The following GBP6 variants were observed in gnomAD, a reference collection of about 807,000 sequenced individuals.
GBP6 encodes guanylate binding protein family member 6.
Under a neutral mutation model 61.5 loss-of-function variants are expected in GBP6, and 54 were observed. The ratio of observed to expected loss-of-function variants is 0.88; its 90% confidence interval spans 0.71 to 1.10. GBP6 has a LOEUF of 1.10. GBP6 is among the 50% of genes least tolerant of loss of function. The pLI, the probability that GBP6 is intolerant of heterozygous loss-of-function variation, is 0.00. For missense variants in GBP6, 748 were observed against 752.8 expected (o/e 0.99, Z 0.07); for synonymous variants, 255 against 273.7 (o/e 0.93, Z 0.67).
chr1:89,377,554 C>A (rs183223689), intron 3 of GBP6, among the ~76,000 whole-genome samples: 2 of 152,268 alleles, frequency 1.3e-5, no homozygotes, highest in East Asian at 3.9e-4. Context: ...AAGATGTTAT[C>A]TATAAATATT....
At chr1:89,383,779 C>G in intron 9 of GBP6, 25 bp downstream of exon 9, 1 of 1,514,546 alleles carries the variant, frequency 6.6e-7, no homozygotes, top group Non-Finnish European at 9.0e-7. Flanking sequence ...TCAGCTTACA[C>G]AGGAGGGGTA....
chr1:89,377,525 A>G (rs997267955), intron 3 of GBP6, among the ~76,000 whole-genome samples: 2 of 152,156 alleles, frequency 1.3e-5, no homozygotes. Flanking sequence ...TATGGGTTCC[A>G]CTTCTTATGT....
Position 89,369,615 on chromosome 1 carries a change from C to T in GBP6, c.260C>T (p.Ser87Phe), listed in dbSNP as rs1392483455. Reference protein sequence around the residue: ...GIWMWCVPHPSKPNHTLVLLD... With the variant: ...GIWMWCVPHPFKPNHTLVLLD... ...TGGATGTGGTGCGTGCCCCACCCAT[C>T]CAAGCCAAACCACACCCTGGTCCTT... is the stretch of plus-strand genomic sequence containing the variant. Residue 87 changes from serine (S) to phenylalanine (F), a missense_variant, in exon 3 of 11, where the codon TCC becomes TTC. Transcript: ENST00000370456. 1 of 1,614,094 alleles carries T rather than the reference C, an allele frequency of 6.2e-7. No individual in the cohort carries two copies. Among genetic ancestry groups the T allele is most frequent in the East Asian group, 2.2e-5 (1 of 44,884 alleles).
intron 3 of GBP6, among the ~76,000 whole-genome samples, chr1:89,374,581 G>A (rs75341097): frequency 5.3e-5 from 8 of 152,112 alleles, no homozygotes; most frequent in East Asian, 3.9e-4. Flanking sequence ...TATTCTTGCC[G>A]ACAATTGTTA....
intron 5 of GBP6, 152 bp from the exon 6 acceptor site, chr1:89,380,234 T>A: frequency 1.6e-6 from 1 of 617,892 alleles, no homozygotes. Context: ...TCTTTTAGCA[T>A]CAATGTGCAC....
chr1:89,366,845 A>T (rs1240345817), intron 1 of GBP6, among the ~76,000 whole-genome samples: 1 of 152,136 alleles, frequency 6.6e-6, no homozygotes, highest in East Asian at 1.9e-4. Flanking sequence ...CCCCCAGCCC[A>T]TGGTAGCTAC....
At chr1:89,384,048 C>G in intron 9 of GBP6, 45 bp from the exon 10 acceptor site, 1 of 1,515,212 alleles carries the variant, frequency 6.6e-7, no homozygotes. Context: ...GGAGATGAAT[C>G]TTCACCTATT....
Position 89,366,809 on chromosome 1 carries a change from T to A in GBP6, c.-23-1720T>A, listed in dbSNP as rs76708840. Among the ~76,000 whole-genome samples the A allele has an allele frequency of 1.6e-4, 25 of 152,296 alleles. No individual in the cohort carries two copies. The East Asian group carries it at 4.8e-3, about 29-fold the overall frequency. ...ATTGTAAACTGAGACTCTCTACCTT[T>A]AAACAATGATTCTGCATTCCCTCCT... On this transcript the variant is annotated intron_variant, in intron 1 of 10. Coordinates refer to ENST00000370456, the MANE Select transcript of GBP6 (RefSeq NM_198460.3).
chr1:89,373,432 T>C (rs1652702659), intron 3 of GBP6, among the ~76,000 whole-genome samples: 2 of 152,172 alleles, frequency 1.3e-5, no homozygotes, highest in South Asian at 4.1e-4. Flanking sequence ...CCATCAGTGA[T>C]AGACTGGATT....
At chr1:89,383,232 A>G (rs1253038202) in intron 8 of GBP6, among the ~76,000 whole-genome samples, 1 of 152,144 alleles carries the variant, frequency 6.6e-6, no homozygotes, top group African/African-American at 2.4e-5. Flanking sequence ...TTATTTGGAA[A>G]TTTTACAGAT....
At chr1:89,373,336 G>C (rs890775104) in intron 3 of GBP6, among the ~76,000 whole-genome samples, 6 of 152,120 alleles carry the variant, frequency 3.9e-5, no homozygotes, top group African/African-American at 1.4e-4. Flanking sequence ...AAGGATTATA[G>C]ATCATGCTGC....
chr1:89,376,060 C>T (rs1246894103), intron 3 of GBP6, among the ~76,000 whole-genome samples: 1 of 152,152 alleles, frequency 6.6e-6, no homozygotes, highest in Non-Finnish European at 1.5e-5. Context: ...GTTTGTCTTT[C>T]TGTGCCTGGC....
chr1:89,380,421 A>G lies in GBP6; in HGVS notation c.661A>G (p.Arg221Gly). Reference sequence around the variant, plus strand: ...CAGAGTTCAAACATCCAATTTTCCCAGGGAGTGCATCAGGCGTTTCTTTCC... The same window carrying G: ...CAGAGTTCAAACATCCAATTTTCCCGGGGAGTGCATCAGGCGTTTCTTTCC... Reference protein sequence around the residue: ...NPRVQTSNFPRECIRRFFPKR... With the variant: ...NPRVQTSNFPGECIRRFFPKR... The change falls in exon 6 of 11, where the codon AGG becomes GGG. Residue 221 changes from arginine to glycine, a missense_variant. Coordinates refer to ENST00000370456, the MANE Select transcript of GBP6 (RefSeq NM_198460.3). The G allele has an allele frequency of 6.2e-7, 1 of 1,613,706 alleles. No individual in the cohort carries two copies. Among genetic ancestry groups the G allele is most frequent in the Non-Finnish European group, 8.5e-7 (1 of 1,179,676 alleles).
chr1:89,373,997 TAGTG>T (rs1398598899), intron 3 of GBP6, among the ~76,000 whole-genome samples: 5 of 152,108 alleles, frequency 3.3e-5, no homozygotes, highest in Admixed American at 6.5e-5. Context: ...ATTCTCGTGA[TAGTG>T]AGTAAGTTCT....
Position 89,368,662 on chromosome 1 carries a change from A to AGTG in GBP6, c.122_124dup (p.Val41dup). On this transcript the variant is annotated inframe_insertion, in exon 2 of 11. Transcript: ENST00000370456. ...AGATTCTTGAAAAGATTTCTCAGCCAGTGGTGGTGGTGGCCATTGTAGGAC... is the reference window on the plus strand; with the variant it reads ...AGATTCTTGAAAAGATTTCTCAGCCAGTGGTGGTGGTGGTGGCCATTGTAGGAC... 1.2e-6 allele frequency: 2 copies of AGTG among 1,614,182 alleles called. No individual in the cohort carries two copies. The highest frequency in any genetic ancestry group is 1.7e-6 in the Non-Finnish European group (2 of 1,179,996).
Position 89,378,274 on chromosome 1 carries a change from A to G in GBP6, c.428+62A>G, listed in dbSNP as rs1246721211. 4 of 1,560,488 alleles carry G rather than the reference A, an allele frequency of 2.6e-6. No individual in the cohort carries two copies. In the African/African-American group the frequency reaches 4.1e-5, roughly 16 times the overall value. ...CATTGACTTTATAGGAATGGAGATC[A>G]AGTCATTTCCTCCTTCCCTTTGATG... On this transcript the variant is annotated intron_variant, in intron 4 of 10. Coordinates refer to ENST00000370456, the MANE Select transcript of GBP6 (RefSeq NM_198460.3).
chr1:89,385,589 A>G lies in GBP6; in HGVS notation c.*120A>G. The G allele has an allele frequency of 2.1e-6, 2 of 963,094 alleles. No individual in the cohort carries two copies. Among genetic ancestry groups the G allele is most frequent in the Non-Finnish European group, 3.0e-6 (2 of 671,214 alleles). The allele number at this position is 963,094 out of a possible 1,614,324, so 59.7% of individuals were successfully genotyped here. On this transcript the variant is annotated 3_prime_UTR_variant, in exon 11 of 11. Coordinates refer to ENST00000370456, the MANE Select transcript of GBP6 (RefSeq NM_198460.3). Reference sequence around the variant, plus strand: ...TACTCTGTTGCCCAGGCTGGAGTACAGTGGTGCAATCTCAGCTCACTGCAA... The same window carrying G: ...TACTCTGTTGCCCAGGCTGGAGTACGGTGGTGCAATCTCAGCTCACTGCAA...
rs934325535 is a variant in GBP6, at chr1:89,378,434, C to T, written c.446C>T (p.Thr149Ile). 6.2e-7 allele frequency: 1 copy of T among 1,613,844 alleles called. No individual in the cohort carries two copies. The highest frequency in any genetic ancestry group is 8.5e-7 in the Non-Finnish European group (1 of 1,179,912). Residue 149 changes from threonine (T) to isoleucine (I), a missense_variant, in exon 5 of 11, where the codon ACA (threonine) becomes ATA (isoleucine). Coordinates refer to ENST00000370456, the MANE Select transcript of GBP6 (RefSeq NM_198460.3). ...LEQLHYVTEL[T>I]ELIKAKSSPR... The stretch of plus-strand genomic sequence containing the variant: ...AGTCCTAGTTATGTGACGGAGCTCA[C>T]AGAACTAATTAAGGCAAAGTCCTCC...
chr1:89,364,650 T>C (rs1435935779), intron 1 of GBP6, among the ~76,000 whole-genome samples: 1 of 109,918 alleles, frequency 9.1e-6, no homozygotes, highest in Admixed American at 1.2e-4. Flanking sequence ...TGTGTGTATG[T>C]GTGTGTGGGG....
Sources: allele counts gnomAD v4.1 joint callset (sites outside exome capture counted in the v4.1 genomes callset), GRCh38; gene constraint gnomAD v4.1.1; transcripts MANE v1.5; gene names NCBI Gene and HGNC (gene_info 2026-07-23, HGNC 2026-07-21).